The following NSRP1 variants were observed in gnomAD, a reference collection of about 807,000 sequenced individuals.
The protein encoded by NSRP1 is nuclear speckle splicing regulatory protein 1, also known as coiled-coil domain containing 55.
A neutral mutation model predicts 54.7 loss-of-function variants in NSRP1; 24 were observed. That is an observed-to-expected ratio of 0.44 (90% confidence interval 0.32 to 0.62). NSRP1 has a LOEUF of 0.62. NSRP1 is among the 20% of genes least tolerant of loss of function. The pLI, the probability that NSRP1 is intolerant of heterozygous loss-of-function variation, is 0.06. For missense variants in NSRP1, 596 were observed against 651.2 expected, an observed-to-expected ratio of 0.92 and a Z score of 0.92; for synonymous variants, 210 against 213.8, an observed-to-expected ratio of 0.98 and a Z score of 0.15.
intron 1 of NSRP1, 126 bp downstream of exon 1, chr17:30,116,989 A>G (rs1481981422): frequency 6.5e-6 from 8 of 1,232,832 alleles, no homozygotes; most frequent in Non-Finnish European, 9.3e-6. Context: ...AGACGGGAAA[A>G]AACGAGAAGT....
At chr17:30,146,572 C>T (rs1177140357) in intron 2 of NSRP1, among the ~76,000 whole-genome samples, 2 of 152,052 alleles carry the variant, frequency 1.3e-5, no homozygotes, top group Non-Finnish European at 2.9e-5. Context: ...TGTCCTGTGC[C>T]TTATCTGCAG....
At chr17:30,133,352 C>G (rs1344373319) in intron 2 of NSRP1, among the ~76,000 whole-genome samples, 2 of 152,094 alleles carry the variant, frequency 1.3e-5, no homozygotes, top group Admixed American at 6.6e-5. Flanking sequence ...AAACAACATT[C>G]ATCTCCTTGT....
chr17:30,138,919 T>TG lies in NSRP1; in HGVS notation c.114+20746_114+20747insG, dbSNP rs1567793776. On this transcript the variant is annotated intron_variant, in intron 2 of 6. Coordinates refer to ENST00000247026, the MANE Select transcript of NSRP1 (RefSeq NM_032141.4). Reference sequence around the variant, plus strand: ...ATCTCAAGTCTTAGCGTTTTTTTTTTTTTTTTTTTTTTTTTTGAGATGGAG... The same window carrying TG: ...ATCTCAAGTCTTAGCGTTTTTTTTTTGTTTTTTTTTTTTTTTTGAGATGGAG... Among the ~76,000 whole-genome samples, 10 of 132,508 alleles carry TG rather than the reference T, an allele frequency of 7.5e-5. No homozygotes were observed. In the East Asian group the frequency reaches 2.1e-3, roughly 27 times the overall value. 86.9% of individuals were successfully genotyped at this position (132,508 alleles called of 152,430 possible).
intron 2 of NSRP1, among the ~76,000 whole-genome samples, chr17:30,170,426 C>T (rs1255171408): frequency 6.6e-6 from 1 of 152,118 alleles, no homozygotes; most frequent in African/African-American, 2.4e-5. Flanking sequence ...ACTTGTTCAT[C>T]TTGTTACATA....
intron 2 of NSRP1, among the ~76,000 whole-genome samples, chr17:30,118,749 CTTTTT>C (rs570877718): frequency 7.2e-6 from 1 of 138,602 alleles, no homozygotes; most frequent in Admixed American, 7.3e-5. Context: ...TTTCTTTTCT[CTTTTT>C]TTTTTTTTTT....
At chr17:30,117,515 T>C (rs2071548242) in intron 1 of NSRP1, 5 of 412,516 alleles carry the variant, frequency 1.2e-5, no homozygotes, top group Non-Finnish European at 2.1e-5. Context: ...TTCTCTCAGA[T>C]GCTCCGAGGC....
intron 2 of NSRP1, among the ~76,000 whole-genome samples, chr17:30,162,497 T>A (rs1904556522): frequency 6.6e-6 from 1 of 152,236 alleles, no homozygotes; most frequent in Non-Finnish European, 1.5e-5. Context: ...TTTTAATAAA[T>A]GATCTGTTGC....
At chr17:30,166,083 G>T (rs568109506) in intron 2 of NSRP1, among the ~76,000 whole-genome samples, 3 of 152,140 alleles carry the variant, frequency 2.0e-5, no homozygotes, top group Admixed American at 2.0e-4. Flanking sequence ...TTTTAAACAG[G>T]AACATGATAA....
At chr17:30,122,349 T>TGTGTGTGTGTGTGTGTGTGTATATATA (rs1481107161) in intron 2 of NSRP1, 1 of 72,306 alleles carries the variant, frequency 1.4e-5, no homozygotes, top group African/African-American at 5.7e-5. Context: ...ATAACTCTGG[T>TGTGTGTGTGTGTGTGTGTGTATATATA]TTCATATATA....
chr17:30,181,398 CTTTTT>C (rs61484398), intron 6 of NSRP1, among the ~76,000 whole-genome samples: 1 of 121,904 alleles, frequency 8.2e-6, no homozygotes, highest in African/African-American at 3.1e-5. Flanking sequence ...TTTCTTTTTT[CTTTTT>C]TTTTTTTTTT....
At chr17:30,117,486 G>A in intron 1 of NSRP1, 1 of 421,434 alleles carries the variant, frequency 2.4e-6, no homozygotes, top group South Asian at 7.9e-5. Flanking sequence ...AACTAAAGGA[G>A]TTGGATCTGA....
At chr17:30,132,464 G>A (rs1444449249) in intron 2 of NSRP1, among the ~76,000 whole-genome samples, 1 of 151,700 alleles carries the variant, frequency 6.6e-6, no homozygotes, top group Non-Finnish European at 1.5e-5. Context: ...TGAGGCAGGA[G>A]AATCATATGA....
intron 2 of NSRP1, among the ~76,000 whole-genome samples, chr17:30,165,215 A>C (rs564839433): frequency 3.9e-5 from 6 of 152,212 alleles, no homozygotes; most frequent in Non-Finnish European, 8.8e-5. Flanking sequence ...TAGTGCAAGA[A>C]GTATTGTGGT....
intron 2 of NSRP1, chr17:30,128,250 A>G (rs1480138087): frequency 6.5e-6 from 1 of 153,110 alleles, no homozygotes; most frequent in East Asian, 1.9e-4. Context: ...AAGCATTTAT[A>G]GAAATTATAA....
chr17:30,154,194 G>A (rs892170626), intron 2 of NSRP1, among the ~76,000 whole-genome samples: 1 of 152,010 alleles, frequency 6.6e-6, no homozygotes, highest in Non-Finnish European at 1.5e-5. Flanking sequence ...GGTGGCAGGT[G>A]CCTGTGGTCC....
chr17:30,184,497 A>G, intron 6 of NSRP1, 118 bp from the exon 7 acceptor site: 6 of 1,297,284 alleles, frequency 4.6e-6, no homozygotes, highest in Admixed American at 3.1e-5. Context: ...CAGACAGTAT[A>G]TATCACTATA....
chr17:30,131,973 G>A (rs1415816433), intron 2 of NSRP1, among the ~76,000 whole-genome samples: 2 of 152,172 alleles, frequency 1.3e-5, no homozygotes, highest in Non-Finnish European at 2.9e-5. Flanking sequence ...GCAAGGCCAG[G>A]CGCGGTGGCT....
At chr17:30,176,009 C>G (rs200368084) in intron 3 of NSRP1, among the ~76,000 whole-genome samples, 16 of 121,376 alleles carry the variant, frequency 1.3e-4, no homozygotes, top group Admixed American at 5.8e-4. Context: ...AACCCCCCCC[C>G]CAAAAAAAAA....
chr17:30,155,453 A>G (rs1286497368), intron 2 of NSRP1, among the ~76,000 whole-genome samples: 1 of 152,210 alleles, frequency 6.6e-6, no homozygotes, highest in Non-Finnish European at 1.5e-5. Flanking sequence ...ATTACCAGTC[A>G]TTCAAATATT....
Sources: gnomAD v4.1 joint callset for allele counts (sites outside exome capture counted in the v4.1 genomes callset) on GRCh38, gnomAD v4.1.1 for gene constraint, MANE v1.5 for transcripts, NCBI Gene and HGNC (gene_info 2026-07-23, HGNC 2026-07-21) for gene names.